Variants in RGS3 observed in about 807,000 individuals in gnomAD.
RGS3 encodes regulator of G protein signaling 3, also known as regulator of G-protein signalling 3.
A neutral mutation model predicts 132.6 loss-of-function variants in RGS3; 80 were observed. The observed-to-expected ratio is 0.60, with a 90% CI of 0.50 to 0.73. RGS3 has a LOEUF of 0.73. Ranked by LOEUF, RGS3 falls within the 30% of genes least tolerant of loss-of-function variation. The probability of loss-of-function intolerance (pLI) is 0.00; values close to 1 mark genes in which losing one functional copy is unlikely to be tolerated. For missense variants in RGS3, 1,382 were observed against 1,530.8 expected (o/e 0.90, Z 1.62); for synonymous variants, 598 against 620.6 (o/e 0.96, Z 0.54).
At chr9:113,512,446 C>T (rs761477532) in intron 14 of RGS3, among the ~76,000 whole-genome samples, 6 of 152,246 alleles carry the variant, frequency 3.9e-5, no homozygotes, top group Middle Eastern at 3.4e-3. Flanking sequence ...ATGGTTTGAG[C>T]GCTGCCCCCA....
intron 19 of RGS3, among the ~76,000 whole-genome samples, chr9:113,573,084 G>A (rs755906804): frequency 3.9e-5 from 6 of 152,246 alleles, no homozygotes; most frequent in Non-Finnish European, 7.3e-5. Flanking sequence ...CCACAGAGCT[G>A]TGATGTGGGT....
At position 113,505,543 on chromosome 9, in the gene RGS3, A is replaced by T; in HGVS notation, c.979+20A>T. ...ATTCCGGTAAGTTATTGACAGGGGG[A>T]TGCCAACCCCACTTGCCCACCACAC... On this transcript the variant is annotated intron_variant, in intron 11 of 24. Transcript: ENST00000350696. The T allele has an allele frequency of 6.2e-7, 1 of 1,600,220 alleles. No individual in the cohort carries two copies. The highest frequency in any genetic ancestry group is 8.6e-7 in the Non-Finnish European group (1 of 1,167,364).
At chr9:113,497,944 AGTG>A in intron 9 of RGS3, 78 bp from the exon 8 acceptor site, 34 of 1,443,844 alleles carry the variant, frequency 2.4e-5, no homozygotes, top group Non-Finnish European at 3.2e-5. Context: ...CCTGTTTCCC[AGTG>A]CTGTCCTCTG....
chr9:113,533,717 G>A (rs1214341875), intron 18 of RGS3, among the ~76,000 whole-genome samples: 1 of 152,234 alleles, frequency 6.6e-6, no homozygotes, highest in Non-Finnish European at 1.5e-5. Context: ...GCTTCATGGA[G>A]TGATGGCCTT....
Position 113,565,067 on chromosome 9 carries a change from G to A in RGS3, c.2038-18383G>A. 1 of 1,138,924 alleles carries A rather than the reference G, an allele frequency of 8.8e-7. No individual in the cohort carries two copies. The highest frequency in any genetic ancestry group is 1.1e-6 in the Non-Finnish European group (1 of 915,592). 70.6% of individuals were successfully genotyped at this position (1,138,924 alleles called of 1,614,324 possible). On this transcript the variant is annotated intron_variant, in intron 19 of 24. Transcript: ENST00000350696. The surrounding 1 kb of genome is among the most constrained non-coding windows in gnomAD (Gnocchi z 5.7). Reference sequence around the variant, plus strand: ...CCTGCTAGGGATCCCAGTGCCAGGGGGTGCCGTTGTGAGGGATGGACGCCT... The same window carrying A: ...CCTGCTAGGGATCCCAGTGCCAGGGAGTGCCGTTGTGAGGGATGGACGCCT...
At chr9:113,519,021 T>C (rs1831809443) in intron 16 of RGS3, among the ~76,000 whole-genome samples, 1 of 152,200 alleles carries the variant, frequency 6.6e-6, no homozygotes, top group Non-Finnish European at 1.5e-5. Flanking sequence ...CACTTACCCT[T>C]GAATCTGCAA....
At chr9:113,581,015 T>C in intron 19 of RGS3, 1 of 92,420 alleles carries the variant, frequency 1.1e-5, no homozygotes. Flanking sequence ...GGCAGGTGGC[T>C]GGGCCAGGGG....
At chr9:113,452,926 AATATATAAATAAAATATATTTATATATG>A (rs1385771290) in intron 1 of RGS3, among the ~76,000 whole-genome samples, 10 of 134,404 alleles carry the variant, frequency 7.4e-5, no homozygotes, top group South Asian at 2.2e-4. Flanking sequence ...ATTTATATAT[AATATATAAATAAAATATATTTATATATG>A]ATATATAAAT....
chr9:113,538,320 A>G (rs1832765008), intron 19 of RGS3, among the ~76,000 whole-genome samples: 1 of 152,114 alleles, frequency 6.6e-6, no homozygotes, highest in African/African-American at 2.4e-5. Context: ...CCCCATGCCT[A>G]TAGGCTGCCC....
chr9:113,517,422 A>G lies in RGS3; in HGVS notation c.1675-119A>G. 5.0e-6 allele frequency: 4 copies of G among 801,428 alleles called. No individual in the cohort carries two copies. The South Asian group carries it at 5.5e-5, about 11-fold the overall frequency. 49.6% of individuals were successfully genotyped at this position (801,428 alleles called of 1,614,324 possible). Reference sequence around the variant, plus strand: ...GGGTTCTCGGGTCGGTGGCGGGCTGACAGTCTTCTCTGGGTCAGAGGGTTC... The same window carrying G: ...GGGTTCTCGGGTCGGTGGCGGGCTGGCAGTCTTCTCTGGGTCAGAGGGTTC... On this transcript the variant is annotated intron_variant, in intron 15 of 24. Transcript: ENST00000350696.
In RGS3 at chr9:113,492,188, T is replaced by A. The variant is rs141283566; in HGVS notation, c.690-3598T>A. ...CCTCAAAAAATAATCTATTTTTTCA[T>A]CTTGTAATGAGTCTGCAACCCTATG... On this transcript the variant is annotated intron_variant, in intron 7 of 24. Coordinates refer to ENST00000350696, the Ensembl canonical transcript of RGS3. Among the ~76,000 whole-genome samples the A allele has an allele frequency of 2.0e-3, 300 of 152,348 alleles. 2 individuals are homozygous for A. The highest frequency in any genetic ancestry group is 6.8e-3 in the Middle Eastern group (2 of 294).
chr9:113,587,930 C>T (rs948150585), intron 20 of RGS3, among the ~76,000 whole-genome samples: 1 of 152,232 alleles, frequency 6.6e-6, no homozygotes, highest in Non-Finnish European at 1.5e-5. Context: ...TGGCTGCTCC[C>T]TGGAGGCCCT....
chr9:113,552,310 CATTT>C (rs890738789), intron 19 of RGS3, among the ~76,000 whole-genome samples: 5 of 151,894 alleles, frequency 3.3e-5, no homozygotes, highest in Admixed American at 3.3e-4. Context: ...TCTTCTCATA[CATTT>C]ATTTATTTAT....
At chr9:113,461,753 C>T in exon 2 of RGS3, 1 of 1,614,182 alleles carries the variant, frequency 6.2e-7, no homozygotes. Flanking sequence ...TTCTGGATCT[C>T]ACCGTCCTGA....
At chr9:113,514,174 G>A (rs778366801) in intron 14 of RGS3, among the ~76,000 whole-genome samples, 2 of 152,180 alleles carry the variant, frequency 1.3e-5, no homozygotes, top group Non-Finnish European at 2.9e-5. Context: ...TCAGCAGGTG[G>A]AGTGTGCTGC....
intron 19 of RGS3, among the ~76,000 whole-genome samples, chr9:113,558,615 T>A (rs1833666578): frequency 6.6e-6 from 1 of 152,108 alleles, no homozygotes; most frequent in Non-Finnish European, 1.5e-5. Context: ...TATGTGTAAG[T>A]ATCATGATAG....
intron 19 of RGS3, among the ~76,000 whole-genome samples, chr9:113,572,669 C>T (rs568099410): frequency 1.3e-5 from 2 of 152,332 alleles, no homozygotes; most frequent in African/African-American, 4.8e-5. Context: ...TTGATGCCCC[C>T]ACAAGGAGAC....
At position 113,528,981 on chromosome 9, in the gene RGS3, T is replaced by G. The variant is rs769383333; in HGVS notation, c.1871-240T>G. ...CTGGCTACCTCTCCTGGGGATGAGG[T>G]TTCAGCATTCCTTGGGCCAGGCTGA... On this transcript the variant is annotated intron_variant, in intron 17 of 24. Transcript: ENST00000350696. 4.0e-4 allele frequency among the ~76,000 whole-genome samples: 61 copies of G among 152,150 alleles called. 1 individual carries two copies. The highest frequency in any genetic ancestry group is 2.2e-3 in the Admixed American group (34 of 15,278).
exon 7 of RGS3, chr9:113,485,680 G>A: frequency 6.3e-7 from 1 of 1,590,404 alleles, no homozygotes; most frequent in East Asian, 2.3e-5. Flanking sequence ...GTGGAACAGG[G>A]CCAGCCAGTC....
Sources: allele counts gnomAD v4.1 joint callset (sites outside exome capture counted in the v4.1 genomes callset), GRCh38; gene constraint gnomAD v4.1.1; non-coding constraint Gnocchi (gnomAD v3.1); transcripts MANE v1.5; gene names NCBI Gene and HGNC (gene_info 2026-07-23, HGNC 2026-07-21).